Variants in TANC2 observed in about 807,000 individuals in gnomAD.
TANC2 encodes the protein tetratricopeptide repeat, ankyrin repeat and coiled-coil containing 2, also known as protein TANC2.
Under a neutral mutation model 210.5 loss-of-function variants are expected in TANC2, and 26 were observed. That is an observed-to-expected ratio of 0.12 (90% confidence interval 0.09 to 0.17). The LOEUF (loss-of-function observed/expected upper bound fraction) is 0.17. TANC2 is among the 10% of genes least tolerant of loss of function. TANC2 has a pLI of 1.00. For missense variants in TANC2, 2,129 were observed against 2,608.9 expected, an observed-to-expected ratio of 0.82 and a Z score of 4.01; for synonymous variants, 931 against 967.1, an observed-to-expected ratio of 0.96 and a Z score of 0.69.
At chr17:63,229,015 A>G (rs1403149464) in intron 7 of TANC2, among the ~76,000 whole-genome samples, 1 of 152,182 alleles carries the variant, frequency 6.6e-6, no homozygotes, top group African/African-American at 2.4e-5. Context: ...CCGGTTTTCA[A>G]GGAAAATGCT....
At chr17:62,986,559 C>G (rs1335922761) in intron 1 of TANC2, among the ~76,000 whole-genome samples, 5 of 152,178 alleles carry the variant, frequency 3.3e-5, no homozygotes, top group Admixed American at 2.6e-4. Context: ...AGGTGTCCAG[C>G]TGCTTGGCTG....
chr17:63,298,003 A>G (rs188432825), intron 9 of TANC2, among the ~76,000 whole-genome samples: 105 of 152,280 alleles, frequency 6.9e-4, no homozygotes, highest in African/African-American at 2.5e-3. Flanking sequence ...TCACAGTGAG[A>G]TACTATTTTA....
At chr17:63,394,991 T>A (rs1024221072) in intron 17 of TANC2, among the ~76,000 whole-genome samples, 1 of 152,234 alleles carries the variant, frequency 6.6e-6, no homozygotes, top group African/African-American at 2.4e-5. Flanking sequence ...ACAGAACTTA[T>A]ATTTTCAACT....
chr17:63,297,854 A>G (rs982593125), intron 9 of TANC2, among the ~76,000 whole-genome samples: 4 of 152,148 alleles, frequency 2.6e-5, no homozygotes, highest in African/African-American at 7.2e-5. Flanking sequence ...AAAAACTCCT[A>G]CAAGTCAACA....
intron 5 of TANC2, among the ~76,000 whole-genome samples, chr17:63,176,008 G>A (rs2040566908): frequency 6.6e-6 from 1 of 152,314 alleles, no homozygotes; most frequent in Admixed American, 6.5e-5. Flanking sequence ...AGATACCACT[G>A]TGTATTTATT....
At chr17:63,250,641 A>G (rs1300621362) in intron 8 of TANC2, among the ~76,000 whole-genome samples, 1 of 152,178 alleles carries the variant, frequency 6.6e-6, no homozygotes, top group Non-Finnish European at 1.5e-5. Flanking sequence ...TGAAATGTGC[A>G]TATAATAATG....
At chr17:63,182,216 T>TC (rs562716412) in intron 5 of TANC2, 65 of 166,544 alleles carry the variant, frequency 3.9e-4, no homozygotes, top group Non-Finnish European at 7.9e-4. Context: ...CCCACCTGGC[T>TC]CCCCCCGCTC....
intron 4 of TANC2, among the ~76,000 whole-genome samples, chr17:63,107,733 T>A (rs945663264): frequency 1.3e-5 from 2 of 151,654 alleles, no homozygotes; most frequent in Non-Finnish European, 2.9e-5. Flanking sequence ...TGTTATACAA[T>A]TGCAGTTATA....
At chr17:63,064,096 T>C (rs1434534368) in intron 2 of TANC2, among the ~76,000 whole-genome samples, 1 of 152,126 alleles carries the variant, frequency 6.6e-6, no homozygotes, top group African/African-American at 2.4e-5. Context: ...TCTGATAGAA[T>C]GAAAAAGTAA....
rs75080350 is a variant in TANC2, at chr17:63,199,214, T to A, written c.583-1557T>A. Among the ~76,000 whole-genome samples, 839 of 152,246 alleles carry A rather than the reference T, an allele frequency of 5.5e-3. 7 individuals carry two copies. Among genetic ancestry groups the A allele is most frequent in the African/African-American group, 0.018 (748 of 41,536 alleles). On this transcript the variant is annotated intron_variant, in intron 6 of 27. Coordinates refer to ENST00000689528, the Ensembl canonical transcript of TANC2. Reference sequence around the variant, plus strand: ...TAGCAGAAAGAGTATGAATAGAGACTCTATTTGTAAAGAAGTTGAAAGGCT... The same window carrying A: ...TAGCAGAAAGAGTATGAATAGAGACACTATTTGTAAAGAAGTTGAAAGGCT...
chr17:62,974,063 G>A (rs914253136), intron 1 of TANC2, among the ~76,000 whole-genome samples: 2 of 152,208 alleles, frequency 1.3e-5, no homozygotes, highest in Admixed American at 6.5e-5. Context: ...TCCTTGGTCT[G>A]TTACATAGCC....
At chr17:63,379,411 G>A (rs1286780871) in intron 14 of TANC2, among the ~76,000 whole-genome samples, 2 of 152,150 alleles carry the variant, frequency 1.3e-5, no homozygotes, top group African/African-American at 4.8e-5. Context: ...CAGACTGGAC[G>A]CAGCAGCTCA....
intron 9 of TANC2, among the ~76,000 whole-genome samples, chr17:63,285,739 C>T (rs1023986225): frequency 3.9e-5 from 6 of 152,200 alleles, no homozygotes; most frequent in East Asian, 1.9e-4. Flanking sequence ...TATTGTATAC[C>T]GGGAAAACGC....
intron 5 of TANC2, among the ~76,000 whole-genome samples, chr17:63,156,474 G>A (rs1272034213): frequency 6.6e-6 from 1 of 151,412 alleles, no homozygotes; most frequent in Non-Finnish European, 1.5e-5. Context: ...AAAGCTAGAA[G>A]TTGTATAGTG....
At chr17:62,998,375 C>A (rs965324168) in intron 1 of TANC2, among the ~76,000 whole-genome samples, 1 of 152,114 alleles carries the variant, frequency 6.6e-6, no homozygotes, top group Non-Finnish European at 1.5e-5. Flanking sequence ...ATTCCCCCGA[C>A]CTCACTAGAG....
At chr17:63,401,081 A>G (rs2048329661) in intron 19 of TANC2, among the ~76,000 whole-genome samples, 2 of 152,290 alleles carry the variant, frequency 1.3e-5, no homozygotes, top group South Asian at 2.1e-4. Context: ...TTACTGTTCT[A>G]TCTACTGTGA....
intron 5 of TANC2, among the ~76,000 whole-genome samples, chr17:63,175,226 G>A (rs2040535229): frequency 1.3e-5 from 2 of 152,068 alleles, no homozygotes; most frequent in Non-Finnish European, 2.9e-5. Context: ...AAAATGTTAG[G>A]GAAATTAAGT....
At chr17:63,291,177 C>T (rs1196487921) in intron 9 of TANC2, among the ~76,000 whole-genome samples, 1 of 152,194 alleles carries the variant, frequency 6.6e-6, no homozygotes, top group African/African-American at 2.4e-5. Flanking sequence ...GGTTTTTCTT[C>T]CCTCTCGTTA....
At chr17:63,160,482 A>C (rs1228881712) in intron 5 of TANC2, among the ~76,000 whole-genome samples, 2 of 152,232 alleles carry the variant, frequency 1.3e-5, no homozygotes, top group Non-Finnish European at 2.9e-5. Flanking sequence ...CTTAACAACT[A>C]TTCCATCATT....
Sources: allele counts gnomAD v4.1 joint callset (sites outside exome capture counted in the v4.1 genomes callset), GRCh38; gene constraint gnomAD v4.1.1; transcripts MANE v1.5; gene names NCBI Gene and HGNC (gene_info 2026-07-23, HGNC 2026-07-21).